Variants in CAPN14 observed in about 807,000 individuals in gnomAD.
CAPN14 encodes the protein calpain 14.
Under a neutral mutation model 101.3 loss-of-function variants are expected in CAPN14, and 94 were observed. The ratio of observed to expected loss-of-function variants is 0.93; its 90% CI spans 0.79 to 1.10. The LOEUF is 1.10. Ranked by LOEUF, CAPN14 falls within the 50% of genes least tolerant of loss-of-function variation. The pLI, the probability that CAPN14 is intolerant of heterozygous loss-of-function variation, is 0.00. For synonymous variants in CAPN14, 338 were observed against 317.9 expected (o/e 1.06, Z -0.67); for missense variants, 837 against 828.4 (o/e 1.01, Z -0.13).
intron 3 of CAPN14, 54 bp from the exon 4 acceptor site, chr2:31,202,306 G>T: frequency 7.2e-7 from 1 of 1,392,562 alleles, no homozygotes; most frequent in Non-Finnish European, 1.0e-6. Context: ...CTTTATGACT[G>T]CAGAAAATGC....
intron 8 of CAPN14, among the ~76,000 whole-genome samples, chr2:31,195,627 A>G (rs2365210): frequency 0.2 from 30,254 of 152,018 alleles, 3,332 homozygotes; most frequent in East Asian, 0.37. Flanking sequence ...GTGAGTCACT[A>G]TGCCCAGCCA....
Position 31,177,188 on chromosome 2 carries a change from C to T in CAPN14, c.1856-46G>A, listed in dbSNP as rs372122223. ...TGCTGTGGGTATTGGGGGCTTGCAC[C>T]CAGCTCCCCTCCTGCTCAAGGCCCC... On this transcript the variant is annotated intron_variant, in intron 19 of 21. Transcript: ENST00000403897. 1.5e-5 allele frequency: 20 copies of T among 1,352,794 alleles called. No homozygotes were observed. In the African/African-American group the frequency reaches 2.5e-4, roughly 17 times the overall value. The allele number at this position is 1,352,794 out of a possible 1,614,324, so 83.8% of individuals were successfully genotyped here.
intron 2 of CAPN14, among the ~76,000 whole-genome samples, chr2:31,224,825 A>G (rs2148708075): frequency 6.6e-6 from 1 of 152,162 alleles, no homozygotes; most frequent in East Asian, 1.9e-4. Context: ...AATGTTTTTG[A>G]CCTATTTGAG....
chr2:31,220,465 C>T (rs1682828577), upstream of CAPN14, among the ~76,000 whole-genome samples: 1 of 152,242 alleles, frequency 6.6e-6, no homozygotes, highest in Non-Finnish European at 1.5e-5. Context: ...GCCAGGGTTA[C>T]TTCTGGCAGC....
chr2:31,219,261 T>C (rs1053285034), upstream of CAPN14, among the ~76,000 whole-genome samples: 2 of 151,876 alleles, frequency 1.3e-5, no homozygotes, highest in Non-Finnish European at 2.9e-5. Flanking sequence ...TTGAAAGTTA[T>C]TGTCCTGGGT....
Position 31,205,324 on chromosome 2 carries a change from AGCCATT to A in CAPN14, c.118_123del (p.Asn40_Gly41del). The stretch of plus-strand genomic sequence containing the variant: ...GGGAAGCTGGTGTCTTCAAAGAGGC[AGCCATT>A]CCTCAGGCACTCTGCCAGCAGGGCC... On this transcript the variant is annotated inframe_deletion, in exon 2 of 22. Transcript: ENST00000403897. The A allele has an allele frequency of 6.4e-7, 1 of 1,551,084 alleles. No individual in the cohort carries two copies. Among genetic ancestry groups the A allele is most frequent in the East Asian group, 2.4e-5 (1 of 40,898 alleles).
At chr2:31,194,336 A>G (rs1681362071) in intron 9 of CAPN14, 73 bp downstream of exon 9, 1 of 1,124,912 alleles carries the variant, frequency 8.9e-7, no homozygotes, top group Non-Finnish European at 1.3e-6. Context: ...CCCATAAGGC[A>G]TCCAATAAAT....
chr2:31,204,577 A>T lies in CAPN14; in HGVS notation c.225+646T>A, dbSNP rs569503435. ...CCAAAGGCCAATGATGTAATCAATC[A>T]TGCCTAGGTAATAAAGCCTCTATAA... On this transcript the variant is annotated intron_variant, in intron 2 of 21. Transcript: ENST00000403897. Among the ~76,000 whole-genome samples, 12 of 152,280 alleles carry T rather than the reference A, an allele frequency of 7.9e-5. No homozygotes were observed. In the South Asian group the frequency reaches 2.3e-3, roughly 29 times the overall value.
intron 8 of CAPN14, among the ~76,000 whole-genome samples, chr2:31,195,310 A>G (rs1448363636): frequency 2.0e-5 from 3 of 152,340 alleles, no homozygotes; most frequent in African/African-American, 4.8e-5. Flanking sequence ...AGGCATTCCT[A>G]CCGGACAGAG....
intron 4 of CAPN14, 52 bp from the exon 5 acceptor site, chr2:31,202,050 C>A: frequency 6.5e-7 from 1 of 1,550,068 alleles, no homozygotes; most frequent in Non-Finnish European, 8.7e-7. Flanking sequence ...AGATGGTGAT[C>A]AGCCCAGAAG....
intron 16 of CAPN14, among the ~76,000 whole-genome samples, chr2:31,186,081 T>C (rs1479734691): frequency 6.6e-6 from 1 of 152,202 alleles, no homozygotes; most frequent in African/African-American, 2.4e-5. Context: ...TTAATATTCA[T>C]ATCCCAGGTT....
upstream of CAPN14, among the ~76,000 whole-genome samples, chr2:31,221,710 G>A (rs1376219494): frequency 2.0e-5 from 3 of 152,118 alleles, no homozygotes; most frequent in South Asian, 2.1e-4. Flanking sequence ...TCCGAGAGAC[G>A]GTTGCAAGGC....
At chr2:31,188,440 TC>T in intron 13 of CAPN14, 86 bp from the exon 14 acceptor site, 1 of 1,242,554 alleles carries the variant, frequency 8.0e-7, no homozygotes, top group South Asian at 1.3e-5. Flanking sequence ...GAGCTCGTCT[TC>T]CACGTTCCTT....
intron 2 of CAPN14, among the ~76,000 whole-genome samples, chr2:31,225,056 T>C (rs1682979256): frequency 6.6e-6 from 1 of 152,006 alleles, no homozygotes; most frequent in South Asian, 2.1e-4. Context: ...TAACTTGGAT[T>C]AGACACAGAC....
chr2:31,189,663 G>A (rs1195698054), intron 12 of CAPN14, 185 bp from the exon 13 acceptor site: 1 of 688,846 alleles, frequency 1.5e-6, no homozygotes, highest in Non-Finnish European at 2.7e-6. Flanking sequence ...GTGGAGGGCT[G>A]CACCTTTGCT....
intron 5 of CAPN14, 49 bp downstream of exon 5, chr2:31,201,813 G>C: frequency 1.9e-6 from 3 of 1,542,658 alleles, no homozygotes; most frequent in Non-Finnish European, 2.6e-6. Context: ...AACATTGAGA[G>C]AGAGAAAAAG....
intron 9 of CAPN14, 42 bp from the exon 10 acceptor site, chr2:31,193,336 T>A: frequency 6.5e-7 from 1 of 1,542,632 alleles, no homozygotes; most frequent in Non-Finnish European, 8.8e-7. Flanking sequence ...ATGGACCAGA[T>A]AACGCCTAGT....
rs1409973731 is a variant in CAPN14 at position 31,176,547 on chromosome 2, C to T, written c.2028+40G>A. 15 of 1,513,950 alleles carry T rather than the reference C, an allele frequency of 9.9e-6. No homozygotes were observed. In the East Asian group the frequency reaches 2.2e-4, roughly 22 times the overall value. 93.8% of individuals were successfully genotyped at this position (1,513,950 alleles called of 1,614,324 possible). A position where few individuals can be genotyped will look rare whatever the true frequency, so the allele number is the denominator to read the frequency against. Reference sequence around the variant, plus strand: ...CATGGTCCCGCAAGGGCCACCTCTACGTAAGATGACATGAGCCACCTCCTT... The same window carrying T: ...CATGGTCCCGCAAGGGCCACCTCTATGTAAGATGACATGAGCCACCTCCTT... On this transcript the variant is annotated intron_variant, in intron 21 of 21. Coordinates refer to ENST00000403897, the MANE Select transcript of CAPN14 (RefSeq NM_001145122.2).
upstream of CAPN14, among the ~76,000 whole-genome samples, chr2:31,221,645 C>G (rs1216627234): frequency 6.6e-6 from 1 of 152,056 alleles, no homozygotes; most frequent in East Asian, 1.9e-4. Context: ...CATTATGATG[C>G]TCATGACAGG....
Sources: gnomAD v4.1 joint callset for allele counts (sites outside exome capture counted in the v4.1 genomes callset) on GRCh38, gnomAD v4.1.1 for gene constraint, MANE v1.5 for transcripts, NCBI Gene and HGNC (gene_info 2026-07-23, HGNC 2026-07-21) for gene names.